XYLT1: variants seen among roughly 807,000 people sequenced by gnomAD.
XYLT1 encodes beta-D-xylosyltransferase 1.
Under a neutral mutation model 91.3 loss-of-function variants are expected in XYLT1, and 36 were observed. The ratio of observed to expected loss-of-function variants is 0.39; its 90% CI spans 0.30 to 0.52. XYLT1 has a LOEUF of 0.52. XYLT1 is among the 20% of genes least tolerant of loss of function. XYLT1 has a pLI of 0.68. For missense variants in XYLT1, 1,242 were observed against 1,284.5 expected (o/e 0.97, Z 0.51); for synonymous variants, 588 against 532.0 (o/e 1.11, Z -1.45).
intron 1 of XYLT1, among the ~76,000 whole-genome samples, chr16:17,460,016 A>C (rs1040830112): frequency 6.6e-6 from 1 of 152,194 alleles, no homozygotes; most frequent in African/African-American, 2.4e-5. Flanking sequence ...CTGAGCTTCA[A>C]AGCACTTTCT....
At chr16:17,145,383 C>G (rs1013172669) in intron 6 of XYLT1, among the ~76,000 whole-genome samples, 2 of 152,186 alleles carry the variant, frequency 1.3e-5, no homozygotes, top group Admixed American at 1.3e-4. Context: ...CCTCCATAAT[C>G]AATTCAGGGA....
chr16:17,289,832 C>G (rs756445039), intron 2 of XYLT1, among the ~76,000 whole-genome samples: 6 of 152,192 alleles, frequency 3.9e-5, no homozygotes, highest in Admixed American at 1.3e-4. Flanking sequence ...AGAGGAAAGT[C>G]TAAGAGCTGT....
At chr16:17,444,564 C>A (rs369062391) in intron 1 of XYLT1, among the ~76,000 whole-genome samples, 48 of 150,288 alleles carry the variant, frequency 3.2e-4, no homozygotes, top group African/African-American at 1.2e-3. Flanking sequence ...CCAGGCTGGT[C>A]TGGAATTCCT....
chr16:17,238,086 T>C (rs1039910274), intron 3 of XYLT1, among the ~76,000 whole-genome samples: 1 of 152,198 alleles, frequency 6.6e-6, no homozygotes, highest in Non-Finnish European at 1.5e-5. Flanking sequence ...GAGCACTTTT[T>C]CCCCTGGCCT....
At chr16:17,399,711 C>T (rs545287365) in intron 1 of XYLT1, among the ~76,000 whole-genome samples, 5 of 152,314 alleles carry the variant, frequency 3.3e-5, no homozygotes, top group East Asian at 1.9e-4. Context: ...AAAAGAAAAG[C>T]GGTGTCATCC....
intron 3 of XYLT1, among the ~76,000 whole-genome samples, chr16:17,253,487 T>C (rs577156760): frequency 1.3e-5 from 2 of 152,280 alleles, no homozygotes; most frequent in South Asian, 2.1e-4. Context: ...TGGCCTAAGA[T>C]GCTGAGGTTC....
intron 2 of XYLT1, among the ~76,000 whole-genome samples, chr16:17,348,934 C>G (rs1336135712): frequency 6.6e-6 from 1 of 152,204 alleles, no homozygotes; most frequent in Non-Finnish European, 1.5e-5. Context: ...TTAGTGATGC[C>G]TCCTCGCTGA....
intron 1 of XYLT1, among the ~76,000 whole-genome samples, chr16:17,418,551 A>C (rs2036208727): frequency 6.6e-6 from 1 of 152,226 alleles, no homozygotes; most frequent in Admixed American, 6.5e-5. Flanking sequence ...AGAGTTAAAA[A>C]AAAAAGTAGC....
At chr16:17,442,725 GCTCTCTTCCCTCTTCCCCAT>G (rs951512127) in intron 1 of XYLT1, among the ~76,000 whole-genome samples, 5 of 152,172 alleles carry the variant, frequency 3.3e-5, no homozygotes, top group African/African-American at 1.2e-4. Flanking sequence ...AGCCTTTGCA[GCTCTCTTCCCTCTTCCCCAT>G]CTCCTGAGCC....
chr16:17,136,116 C>A (rs576670862), intron 8 of XYLT1, among the ~76,000 whole-genome samples: 1 of 152,158 alleles, frequency 6.6e-6, no homozygotes, highest in Non-Finnish European at 1.5e-5. Context: ...ACACACAATA[C>A]GCAGGGCAAT....
At chr16:17,398,826 C>A (rs561834497) in intron 1 of XYLT1, among the ~76,000 whole-genome samples, 1 of 43,440 alleles carries the variant, frequency 2.3e-5, no homozygotes, top group East Asian at 4.5e-4. Context: ...CCGCCCCCCC[C>A]CACTGTTTTT....
At chr16:17,283,874 T>A (rs1017715048) in intron 2 of XYLT1, among the ~76,000 whole-genome samples, 5 of 152,182 alleles carry the variant, frequency 3.3e-5, no homozygotes, top group Non-Finnish European at 4.4e-5. Context: ...AACCATGAAT[T>A]AGGACTCTCA....
intron 5 of XYLT1, among the ~76,000 whole-genome samples, chr16:17,188,581 G>C (rs1001940453): frequency 3.9e-5 from 6 of 152,136 alleles, no homozygotes; most frequent in African/African-American, 1.4e-4. Context: ...GAAGCCATCC[G>C]GGCCCTCAGT....
chr16:17,192,938 G>A (rs2032352841), intron 5 of XYLT1: 1 of 151,042 alleles, frequency 6.6e-6, no homozygotes, highest in Admixed American at 6.6e-5. Flanking sequence ...TCAGCCTCAT[G>A]AGTAGCTGGG....
At chr16:17,364,897 T>C (rs1435515767) in intron 1 of XYLT1, among the ~76,000 whole-genome samples, 2 of 152,206 alleles carry the variant, frequency 1.3e-5, no homozygotes, top group Non-Finnish European at 2.9e-5. Flanking sequence ...CCAAGGAATC[T>C]ACATTGTTAT....
intron 1 of XYLT1, among the ~76,000 whole-genome samples, chr16:17,375,354 A>G (rs2035584994): frequency 1.3e-5 from 2 of 152,086 alleles, no homozygotes; most frequent in Middle Eastern, 3.2e-3. Context: ...CCCCCAGCCA[A>G]GAGGGACCTG....
intron 10 of XYLT1, among the ~76,000 whole-genome samples, chr16:17,122,069 T>G (rs545794910): frequency 6.6e-6 from 1 of 152,286 alleles, no homozygotes; most frequent in South Asian, 2.1e-4. Flanking sequence ...TAAACATGCG[T>G]GTGCAAGAAT....
At chr16:17,144,711 A>G (rs1393234886) in intron 6 of XYLT1, among the ~76,000 whole-genome samples, 1 of 152,220 alleles carries the variant, frequency 6.6e-6, no homozygotes, top group Non-Finnish European at 1.5e-5. Context: ...ATGTAAAATA[A>G]CAAGAGACCA....
intron 5 of XYLT1, among the ~76,000 whole-genome samples, chr16:17,164,639 GCTGA>G (rs1248800552): frequency 2.0e-5 from 3 of 152,110 alleles, no homozygotes; most frequent in Admixed American, 2.0e-4. Flanking sequence ...TGTTTTGCTG[GCTGA>G]CTTATTTAAC....
Sources: gnomAD v4.1 joint callset for allele counts (sites outside exome capture counted in the v4.1 genomes callset) on GRCh38, gnomAD v4.1.1 for gene constraint, MANE v1.5 for transcripts, NCBI Gene and HGNC (gene_info 2026-07-23, HGNC 2026-07-21) for gene names.